CPA6: variants seen among roughly 807,000 people sequenced by gnomAD.
The protein encoded by CPA6 is carboxypeptidase A6.
In CPA6, 58 loss-of-function variants were observed where a neutral mutation model predicts 63.3. That is an observed-to-expected ratio of 0.92 (90% CI 0.74 to 1.14). CPA6 has a LOEUF of 1.14. Ranked by LOEUF, CPA6 falls within the 50% of genes most tolerant of loss-of-function variation. The pLI is 0.00. For synonymous variants in CPA6, 185 were observed against 179.0 expected (o/e 1.03, Z -0.27); for missense variants, 565 against 526.6 (o/e 1.07, Z -0.71).
intron 8 of CPA6, among the ~76,000 whole-genome samples, chr8:67,448,422 G>A (rs1810477657): frequency 2.0e-5 from 3 of 151,742 alleles, no homozygotes; most frequent in Admixed American, 2.0e-4. Context: ...CTTCCATTTA[G>A]GAGTTTGAGA....
intron 1 of CPA6, among the ~76,000 whole-genome samples, chr8:67,635,403 A>G (rs1815445017): frequency 6.6e-6 from 1 of 151,730 alleles, no homozygotes; most frequent in Non-Finnish European, 1.5e-5. Context: ...GCTCTTTGGC[A>G]TCTGAGAAAT....
At chr8:67,745,817 G>A (rs866912076) in intron 1 of CPA6, among the ~76,000 whole-genome samples, 197 bp downstream of exon 1, 1 of 152,190 alleles carries the variant, frequency 6.6e-6, no homozygotes, top group Non-Finnish European at 1.5e-5. Flanking sequence ...AAAAAGCCAG[G>A]TTGGAGCCCA....
chr8:67,474,438 G>T (rs1420314765), intron 8 of CPA6, among the ~76,000 whole-genome samples: 1 of 151,984 alleles, frequency 6.6e-6, no homozygotes, highest in Non-Finnish European at 1.5e-5. Context: ...GGCCAGGCTG[G>T]TCTCAAATTC....
At chr8:67,543,463 A>G (rs16933367) in intron 2 of CPA6, among the ~76,000 whole-genome samples, 3,061 of 152,290 alleles carry the variant, frequency 0.02, 106 homozygotes, top group African/African-American at 0.069. Context: ...CATACTGCTC[A>G]ATTTCTGTTT....
At chr8:67,476,844 A>G (rs1255977522) in intron 8 of CPA6, among the ~76,000 whole-genome samples, 1 of 152,192 alleles carries the variant, frequency 6.6e-6, no homozygotes, top group Non-Finnish European at 1.5e-5. Flanking sequence ...AGTAGCATCT[A>G]CCAATGAGAA....
intron 1 of CPA6, among the ~76,000 whole-genome samples, chr8:67,705,093 C>T (rs1054514217): frequency 2.6e-5 from 4 of 152,148 alleles, no homozygotes; most frequent in Non-Finnish European, 1.5e-5. Context: ...CCCCAGAATA[C>T]CCTCCCAGGT....
rs184912629 is a variant in CPA6 at position 67,699,303 on chromosome 8, C to A, written c.116+46711G>T. Among the ~76,000 whole-genome samples, 3 of 152,084 alleles carry A rather than the reference C, an allele frequency of 2.0e-5. No individual in the cohort carries two copies. In the East Asian group the frequency reaches 5.8e-4, roughly 30 times the overall value. On this transcript the variant is annotated intron_variant, in intron 1 of 10. Coordinates refer to ENST00000297770, the MANE Select transcript of CPA6 (RefSeq NM_020361.5). Reference sequence around the variant, plus strand: ...TGGTGGCATGTACCTATAGTCCCAGCTACTTGGAAGGCTGAGGTGGGAGGA... The same window carrying A: ...TGGTGGCATGTACCTATAGTCCCAGATACTTGGAAGGCTGAGGTGGGAGGA...
In CPA6 at chr8:67,484,733, A is replaced by G; in HGVS notation, c.693T>C (p.Tyr231=). The G allele has an allele frequency of 6.2e-7, 1 of 1,611,408 alleles. No homozygotes were observed. The highest frequency in any genetic ancestry group is 8.5e-7 in the Non-Finnish European group (1 of 1,177,628). Residue 231 remains tyrosine, a synonymous_variant, in exon 7 of 11, where the codon TAT becomes TAC. Coordinates refer to ENST00000297770, the MANE Select transcript of CPA6 (RefSeq NM_020361.5). ...CGTTAAACACAGGCATGATATAGAA[A>G]TATAGATGATTCAACATTTTTCTCA... is the stretch of plus-strand genomic sequence containing the variant. ...PAMRKMLNHL[Y]FYIMPVFNVD...
intron 6 of CPA6, among the ~76,000 whole-genome samples, chr8:67,496,566 A>ATT (rs539068593): frequency 3.4e-5 from 3 of 89,012 alleles, no homozygotes; most frequent in Admixed American, 1.1e-4. Context: ...TATTTATTTT[A>ATT]TTTTTTTTTT....
chr8:67,422,723 C>T, intron 10 of CPA6, 32 bp from the exon 11 acceptor site: 2 of 1,531,176 alleles, frequency 1.3e-6, no homozygotes, highest in Non-Finnish European at 1.8e-6. Flanking sequence ...AAAAGATCAG[C>T]CTCACTAAAG....
At chr8:67,607,143 T>C (rs77877907) in intron 2 of CPA6, among the ~76,000 whole-genome samples, 2,285 of 26,672 alleles carry the variant, frequency 0.086, 364 homozygotes, top group African/African-American at 0.41. Context: ...CTCCCCCTCC[T>C]CCCCCCCCTC....
chr8:67,424,014 G>A (rs578052359), intron 10 of CPA6, among the ~76,000 whole-genome samples: 8 of 152,336 alleles, frequency 5.3e-5, no homozygotes, highest in African/African-American at 1.7e-4. Flanking sequence ...TGTCAGATCA[G>A]TGGCAGCATT....
chr8:67,500,298 C>CT (rs1393311479), intron 6 of CPA6, among the ~76,000 whole-genome samples: 2 of 152,148 alleles, frequency 1.3e-5, no homozygotes, highest in African/African-American at 4.8e-5. Flanking sequence ...CCAACGACAT[C>CT]TTTTTTGCGT....
intron 2 of CPA6, among the ~76,000 whole-genome samples, chr8:67,566,047 T>C (rs1813329560): frequency 6.6e-6 from 1 of 152,236 alleles, no homozygotes; most frequent in Admixed American, 6.5e-5. Context: ...TCAAATGGTT[T>C]CTGAAGGGGC....
At chr8:67,691,489 G>C (rs552162030) in intron 1 of CPA6, among the ~76,000 whole-genome samples, 1 of 152,246 alleles carries the variant, frequency 6.6e-6, no homozygotes, top group South Asian at 2.1e-4. Flanking sequence ...GGATGCAGAG[G>C]ATACACTACA....
chr8:67,484,579 T>G lies in CPA6; in HGVS notation c.747+100A>C, dbSNP rs902634546. ...TTTTGCATCTCTGGAATCACTCAGC[T>G]GATTGCCTGTCCAGCTTCTTTCCTG... On this transcript the variant is annotated intron_variant, in intron 7 of 10. Coordinates refer to ENST00000297770, the MANE Select transcript of CPA6 (RefSeq NM_020361.5). 9 of 579,728 alleles carry G rather than the reference T, an allele frequency of 1.6e-5. No individual in the cohort carries two copies. The Admixed American group carries it at 2.7e-4, about 18-fold the overall frequency. The allele number at this position is 579,728 out of a possible 1,614,324, so 35.9% of individuals were successfully genotyped here.
chr8:67,519,652 C>T (rs1251423293), intron 2 of CPA6, among the ~76,000 whole-genome samples: 1 of 152,218 alleles, frequency 6.6e-6, no homozygotes, highest in Admixed American at 6.5e-5. Flanking sequence ...AAATCTGACT[C>T]AGCTAACATG....
chr8:67,690,893 CT>C (rs1216458371), intron 1 of CPA6, among the ~76,000 whole-genome samples: 2 of 152,126 alleles, frequency 1.3e-5, no homozygotes, highest in East Asian at 3.9e-4. Flanking sequence ...ACAAATATAA[CT>C]TTTCTACCAA....
intron 2 of CPA6, among the ~76,000 whole-genome samples, chr8:67,555,340 T>C (rs1383014098): frequency 6.6e-6 from 1 of 152,184 alleles, no homozygotes; most frequent in Non-Finnish European, 1.5e-5. Context: ...CGATGGCCAA[T>C]GATTTAATCA....
Sources: allele counts gnomAD v4.1 joint callset (sites outside exome capture counted in the v4.1 genomes callset), GRCh38; gene constraint gnomAD v4.1.1; transcripts MANE v1.5; gene names NCBI Gene and HGNC (gene_info 2026-07-23, HGNC 2026-07-21).